The following KIDINS220 variants were observed in gnomAD, a reference collection of about 807,000 sequenced individuals.
KIDINS220 encodes kinase D-interacting substrate of 220 kDa.
A neutral mutation model predicts 157.6 loss-of-function variants in KIDINS220; 63 were observed. That is an observed-to-expected ratio of 0.40 (90% confidence interval 0.33 to 0.49). KIDINS220 has a LOEUF of 0.49. Ranked by LOEUF, KIDINS220 falls within the 20% of genes least tolerant of loss-of-function variation. KIDINS220 has a pLI of 0.66. For missense variants in KIDINS220, 1,772 were observed against 2,171.2 expected, an observed-to-expected ratio of 0.82 and a Z score of 3.65; for synonymous variants, 732 against 783.6, an observed-to-expected ratio of 0.93 and a Z score of 1.10.
At chr2:8,809,257 G>C (rs796668420) in intron 6 of KIDINS220, among the ~76,000 whole-genome samples, 6 of 152,246 alleles carry the variant, frequency 3.9e-5, no homozygotes, top group African/African-American at 1.4e-4. Context: ...CTGACCTCAG[G>C]TGATCCACCT....
In KIDINS220 at chr2:8,800,474, C is replaced by A; in HGVS notation, c.826G>T (p.Ala276Ser). 6.2e-7 allele frequency: 1 copy of A among 1,612,518 alleles called. No individual in the cohort carries two copies. The highest frequency in any genetic ancestry group is 8.5e-7 in the Non-Finnish European group (1 of 1,179,330). Residue 276 changes from alanine to serine, a missense_variant, in exon 9 of 30, where the codon GCT (alanine) becomes TCT (serine). By Grantham distance (99) the Ala-to-Ser change is moderately conservative. Coordinates refer to ENST00000256707, the MANE Select transcript of KIDINS220 (RefSeq NM_020738.4). ...DRSGDTVLIG[A>S]VRGGHVEIVR... The stretch of plus-strand genomic sequence containing the variant: ...ATTTCAACATGACCACCTCTGACAG[C>A]GCCAATCAACACAGTATCCCCACTC...
At chr2:8,747,222 A>T (rs774245288) in intron 25 of KIDINS220, 21 bp from the exon 26 acceptor site, 1 of 1,613,096 alleles carries the variant, frequency 6.2e-7, no homozygotes, top group Admixed American at 1.7e-5. Context: ...AAAACAGGAG[A>T]GTGTGGGTGA....
Position 8,778,655 on chromosome 2 carries a change from G to A in KIDINS220, c.2687C>T (p.Thr896Ile), listed in dbSNP as rs748310313. ...LGEMTKLGSK[T>I]ALNRRDTYRR... ...GCATCTTACCCGTCTATTGAGGGCT[G>A]TCTTGCTACCAAGTTTTGTCATCTC... The change falls in exon 20 of 30, where the codon ACA becomes ATA. Residue 896 changes from threonine (T) to isoleucine (I), a missense_variant. Around this residue, in one of 3 missense-constraint regions of KIDINS220, gnomAD observed 725 missense variants for 1,017.1 expected, o/e 0.71. Transcript: ENST00000256707. The A allele has an allele frequency of 2.5e-6, 4 of 1,613,412 alleles. No homozygotes were observed. The highest frequency in any genetic ancestry group is 2.5e-6 in the Non-Finnish European group (3 of 1,179,342).
chr2:8,818,884 G>A, intron 2 of KIDINS220, 91 bp from the exon 3 acceptor site: 3 of 632,806 alleles, frequency 4.7e-6, no homozygotes, highest in Non-Finnish European at 8.3e-6. Flanking sequence ...TTTCATGAAT[G>A]TATGTTAAGC....
chr2:8,823,144 T>C (rs72786365), intron 2 of KIDINS220, among the ~76,000 whole-genome samples: 2,064 of 152,220 alleles, frequency 0.014, 33 homozygotes, highest in Non-Finnish European at 0.019. Context: ...TAATATTTTT[T>C]AGAAGTAGGG....
In KIDINS220 at chr2:8,788,711, G is replaced by C; in HGVS notation, c.1723C>G (p.Leu575Val). The C allele has an allele frequency of 6.2e-7, 1 of 1,614,168 alleles. No homozygotes were observed. Among genetic ancestry groups the C allele is most frequent in the African/African-American group, 1.3e-5 (1 of 75,060 alleles). The change falls in exon 15 of 30, where the codon CTT (leucine) becomes GTT (valine). Residue 575 changes from leucine (L) to valine (V), a missense_variant. Leu to Val is a conservative substitution (Grantham distance 32). Around this residue, in one of 3 missense-constraint regions of KIDINS220, gnomAD observed 725 missense variants for 1,017.1 expected, o/e 0.71. Transcript: ENST00000256707. ...GGTGGATTCACAAACATCAATTTAAGGAGGAGTTCCAAATATCCAATATGT... is the reference window on the plus strand; with the variant it reads ...GGTGGATTCACAAACATCAATTTAACGAGGAGTTCCAAATATCCAATATGT... ...ARHIGYLELLLKLMFVNPPEL... is the reference protein window; with the variant it reads ...ARHIGYLELLVKLMFVNPPEL...
chr2:8,747,813 G>A, intron 25 of KIDINS220, 74 bp downstream of exon 25: 19 of 892,522 alleles, frequency 2.1e-5, no homozygotes, highest in Non-Finnish European at 2.8e-5. Flanking sequence ...CTATGTAAAG[G>A]AAATAACCAA....
chr2:8,731,908 A>C lies in KIDINS220; in HGVS notation c.4128T>G (p.Thr1376=), dbSNP rs1304160923. 2 of 1,612,934 alleles carry C rather than the reference A, an allele frequency of 1.2e-6. No individual in the cohort carries two copies. The highest frequency in any genetic ancestry group is 2.7e-5 in the African/African-American group (2 of 74,900). The change falls in exon 30 of 30, where the codon ACT becomes ACG. Residue 1376 remains threonine (T), a synonymous_variant. Coordinates refer to ENST00000256707, the MANE Select transcript of KIDINS220 (RefSeq NM_020738.4). This position sits in a 1 kb window ranked among gnomAD's most constrained non-coding sequence, Gnocchi z 5.2. ...CTCTATACTCGGCCTGCACCTTATC[A>C]GTAAGCTTTGAAATTTCAATACTGG... ...QDSSIEISKL[T]DKVQAEYRDA... is the part of the protein sequence containing the mutation.
chr2:8,761,330 C>T (rs897744753), intron 22 of KIDINS220, among the ~76,000 whole-genome samples: 1 of 152,116 alleles, frequency 6.6e-6, no homozygotes, highest in Admixed American at 6.5e-5. Context: ...AAGGCAAAAT[C>T]TTTATTATGC....
chr2:8,806,459 T>C (rs755316137), intron 6 of KIDINS220, 90 bp from the exon 7 acceptor site: 19 of 773,200 alleles, frequency 2.5e-5, no homozygotes, highest in Admixed American at 5.5e-5. Flanking sequence ...AAAATCTTAC[T>C]TTTTATCATT....
At chr2:8,799,876 T>A (rs1219657626) in intron 9 of KIDINS220, among the ~76,000 whole-genome samples, 1 of 152,230 alleles carries the variant, frequency 6.6e-6, no homozygotes, top group Non-Finnish European at 1.5e-5. Flanking sequence ...AAGGCTTTTA[T>A]CTAAAATTAA....
intron 6 of KIDINS220, among the ~76,000 whole-genome samples, chr2:8,810,822 TC>T (rs1676193141): frequency 6.6e-6 from 1 of 151,998 alleles, no homozygotes; most frequent in Non-Finnish European, 1.5e-5. Flanking sequence ...CAAAACTGTA[TC>T]CATTTTAGAC....
At chr2:8,762,288 A>T (rs774674232) in intron 22 of KIDINS220, among the ~76,000 whole-genome samples, 3 of 152,230 alleles carry the variant, frequency 2.0e-5, no homozygotes, top group Non-Finnish European at 4.4e-5. Context: ...GATAATGAAG[A>T]TCTGGGTTAA....
chr2:8,756,013 C>A lies in KIDINS220; in HGVS notation c.3012-4369G>T, dbSNP rs982149138. On this transcript the variant is annotated intron_variant, in intron 22 of 29. Transcript: ENST00000256707. ...GGATCAGTTTCCTGTTTCTGCAAAA[C>A]AAGGCTACTGGAATTTTGATAGGTA... Among the ~76,000 whole-genome samples the A allele has an allele frequency of 2.0e-5, 3 of 152,150 alleles. No homozygotes were observed. The South Asian group carries it at 6.2e-4, about 32-fold the overall frequency.
At chr2:8,765,299 T>C (rs1176327574) in intron 22 of KIDINS220, among the ~76,000 whole-genome samples, 2 of 152,192 alleles carry the variant, frequency 1.3e-5, no homozygotes, top group Non-Finnish European at 2.9e-5. Context: ...ATCATTATTA[T>C]TCTAAAAGCA....
At chr2:8,798,323 A>T in intron 9 of KIDINS220, 23 bp from the exon 10 acceptor site, 1 of 1,269,702 alleles carries the variant, frequency 7.9e-7, no homozygotes, top group Non-Finnish European at 1.2e-6. Context: ...AAAAAACACA[A>T]TCACTTCATG....
chr2:8,770,460 T>C (rs1451735700), intron 22 of KIDINS220, among the ~76,000 whole-genome samples: 2 of 152,144 alleles, frequency 1.3e-5, no homozygotes, highest in African/African-American at 2.4e-5. Flanking sequence ...AAGGAAAAGT[T>C]TGTCCAAATA....
chr2:8,776,132 C>T (rs1296561166), intron 21 of KIDINS220, among the ~76,000 whole-genome samples: 1 of 152,128 alleles, frequency 6.6e-6, no homozygotes, highest in Non-Finnish European at 1.5e-5. Context: ...GAATACAGTT[C>T]ACAGCATGAA....
intron 22 of KIDINS220, among the ~76,000 whole-genome samples, chr2:8,762,553 C>T (rs947452206): frequency 7.2e-5 from 11 of 151,920 alleles, no homozygotes; most frequent in African/African-American, 1.7e-4. Flanking sequence ...CTGGCTAACA[C>T]AGTGAAACCC....
Sources: gnomAD v4.1 joint callset for allele counts (sites outside exome capture counted in the v4.1 genomes callset) on GRCh38, gnomAD v4.1.1 for gene constraint, gnomAD v4.1.1 regional missense constraint, Gnocchi (gnomAD v3.1) non-coding constraint, MANE v1.5 for transcripts, NCBI Gene and HGNC (gene_info 2026-07-23, HGNC 2026-07-21) for gene names.